Variants in SP140L observed in about 807,000 individuals in gnomAD.
SP140L encodes SP140 like nuclear body protein, also known as nuclear body protein SP140-like protein.
Under a neutral mutation model 84.3 loss-of-function variants are expected in SP140L, and 64 were observed. The observed-to-expected ratio is 0.76, with a 90% CI of 0.62 to 0.94. SP140L has a LOEUF of 0.94. Among genes scored for constraint, SP140L ranks in the 40% least tolerant of loss-of-function variants. The pLI is 0.00. For missense variants in SP140L, 628 were observed against 692.5 expected (o/e 0.91, Z 1.05); for synonymous variants, 242 against 236.9 (o/e 1.02, Z -0.20).
At chr2:230,344,715 T>G (rs187255895) in intron 2 of SP140L, among the ~76,000 whole-genome samples, 12 of 152,340 alleles carry the variant, frequency 7.9e-5, no homozygotes, top group Non-Finnish European at 1.0e-4. Context: ...TTCATTTTTG[T>G]TTGCCTCATA....
rs760768915 is a variant in SP140L at position 230,328,862 on chromosome 2, G to T, written c.107+31G>T. Reference sequence around the variant, plus strand: ...GAAGAATTACAATTTGTTTTAATTTGTATTTTCCTGATAATGTGGAAAGCT... The same window carrying T: ...GAAGAATTACAATTTGTTTTAATTTTTATTTTCCTGATAATGTGGAAAGCT... On this transcript the variant is annotated intron_variant, in intron 2 of 18. Transcript: ENST00000415673. The T allele has an allele frequency of 3.1e-6, 5 of 1,595,574 alleles. No individual in the cohort carries two copies. The East Asian group carries it at 1.1e-4, about 36-fold the overall frequency.
intron 10 of SP140L, 91 bp downstream of exon 10, chr2:230,388,724 T>C: frequency 1.8e-6 from 2 of 1,090,142 alleles, no homozygotes; most frequent in Non-Finnish European, 2.6e-6. Context: ...CCTATTTCTT[T>C]AATTGTTTTA....
At chr2:230,345,692 A>G (rs2060188467) in intron 2 of SP140L, among the ~76,000 whole-genome samples, 1 of 151,792 alleles carries the variant, frequency 6.6e-6, no homozygotes. Context: ...TGAGGCTTAC[A>G]TAAAATATCT....
At chr2:230,393,303 G>C in intron 12 of SP140L, 111 bp from the exon 13 acceptor site, 3 of 1,207,360 alleles carry the variant, frequency 2.5e-6, no homozygotes, top group Admixed American at 2.8e-5. Context: ...CACTGGGTTT[G>C]AGCTGGCATT....
chr2:230,336,799 C>T (rs2059895287), intron 2 of SP140L, among the ~76,000 whole-genome samples: 1 of 152,192 alleles, frequency 6.6e-6, no homozygotes. Context: ...AATTTTCTTA[C>T]AGATCATGAC....
At chr2:230,381,206 G>A (rs1264516344) in intron 7 of SP140L, among the ~76,000 whole-genome samples, 1 of 152,066 alleles carries the variant, frequency 6.6e-6, no homozygotes, top group Non-Finnish European at 1.5e-5. Flanking sequence ...CTTTTTAGCT[G>A]GAACGTAAGC....
intron 13 of SP140L, among the ~76,000 whole-genome samples, chr2:230,395,778 A>T (rs1244903705): frequency 1.3e-5 from 2 of 152,196 alleles, no homozygotes; most frequent in Non-Finnish European, 2.9e-5. Flanking sequence ...GTATCCCAGA[A>T]GGGAAAGGTG....
At chr2:230,374,301 G>T (rs1467788065) in intron 7 of SP140L, among the ~76,000 whole-genome samples, 3 of 146,812 alleles carry the variant, frequency 2.0e-5, no homozygotes, top group Non-Finnish European at 4.5e-5. Flanking sequence ...GGGCAATAGA[G>T]TAAGACTCCA....
intron 2 of SP140L, among the ~76,000 whole-genome samples, chr2:230,331,446 C>A (rs550935005): frequency 4.5e-4 from 69 of 152,196 alleles, no homozygotes; most frequent in Admixed American, 3.1e-3. Context: ...GTATAGGTGA[C>A]CCATGTTCTA....
At chr2:230,351,474 G>A (rs1006278497) in intron 2 of SP140L, among the ~76,000 whole-genome samples, 1 of 152,060 alleles carries the variant, frequency 6.6e-6, no homozygotes, top group Non-Finnish European at 1.5e-5. Context: ...ATTAATATCA[G>A]GTATATTAAC....
At chr2:230,352,812 G>GTGTA (rs1553617035) in intron 2 of SP140L, among the ~76,000 whole-genome samples, 138 of 148,282 alleles carry the variant, frequency 9.3e-4, no homozygotes, top group African/African-American at 3.2e-3. Flanking sequence ...GTGTATGTGT[G>GTGTA]TATATATATA....
intron 8 of SP140L, 125 bp from the exon 9 acceptor site, chr2:230,385,099 G>T (rs2061530635): frequency 7.4e-6 from 6 of 812,446 alleles, no homozygotes; most frequent in Non-Finnish European, 1.2e-5. Flanking sequence ...AGCAGAAAAT[G>T]CTCTGGACAC....
chr2:230,365,802 A>G (rs2060849576), intron 5 of SP140L, among the ~76,000 whole-genome samples: 1 of 152,064 alleles, frequency 6.6e-6, no homozygotes, highest in South Asian at 2.1e-4. Flanking sequence ...CTTTTGCTGT[A>G]TCCCATCAGT....
Position 230,339,691 on chromosome 2 carries a change from T to C in SP140L, c.107+10860T>C, listed in dbSNP as rs879463120. Among the ~76,000 whole-genome samples the C allele has an allele frequency of 3.3e-3, 483 of 146,340 alleles. 3 individuals carry two copies. Among genetic ancestry groups the C allele is most frequent in the Admixed American group, 4.6e-3 (68 of 14,714 alleles). ...AATGCATCCCAGAGATTCTGGTATG[T>C]TGTGTCTTTGTTCTCGTTGGTTTCA... On this transcript the variant is annotated intron_variant, in intron 2 of 18. Transcript: ENST00000415673.
At chr2:230,399,844 A>G (rs1675179242) in intron 14 of SP140L, 3 of 294,156 alleles carry the variant, frequency 1.0e-5, no homozygotes, top group East Asian at 6.1e-5. Context: ...TCAGATTCCT[A>G]TAAGATCATC....
chr2:230,400,407 G>A (rs2062268551), intron 15 of SP140L, 165 bp downstream of exon 15: 2 of 657,362 alleles, frequency 3.0e-6, no homozygotes, highest in Non-Finnish European at 5.3e-6. Flanking sequence ...GACGCTGGCA[G>A]CAGGAGGTAA....
chr2:230,367,743 C>T (rs1391550560), intron 5 of SP140L, among the ~76,000 whole-genome samples: 1 of 152,180 alleles, frequency 6.6e-6, no homozygotes, highest in Non-Finnish European at 1.5e-5. Flanking sequence ...GCCATCCTGG[C>T]CAACATGGTA....
At chr2:230,327,883 C>T (rs1363630508) in intron 1 of SP140L, among the ~76,000 whole-genome samples, 1 of 152,116 alleles carries the variant, frequency 6.6e-6, no homozygotes, top group Non-Finnish European at 1.5e-5. Flanking sequence ...TACAATTGAC[C>T]TTGATCCAAA....
chr2:230,394,640 C>T lies in SP140L; in HGVS notation c.1155+1179C>T, dbSNP rs187077686. Among the ~76,000 whole-genome samples, 1,020 of 152,308 alleles carry T rather than the reference C, an allele frequency of 6.7e-3. 8 individuals carry two copies. Among genetic ancestry groups the T allele is most frequent in the Non-Finnish European group, 0.012 (783 of 68,020 alleles). On this transcript the variant is annotated intron_variant, in intron 13 of 18. Transcript: ENST00000415673. ...AAATGAGCTGGCAATTTCCAACCAA[C>T]CGACTCTCCCTCTATTCAGGGGTGC...
Sources: gnomAD v4.1 joint callset for allele counts (sites outside exome capture counted in the v4.1 genomes callset) on GRCh38, gnomAD v4.1.1 for gene constraint, MANE v1.5 for transcripts, NCBI Gene and HGNC (gene_info 2026-07-23, HGNC 2026-07-21) for gene names.